OOSP1: variants seen among roughly 807,000 people sequenced by gnomAD.
The protein encoded by OOSP1 is oocyte secreted protein 1.
Under a neutral mutation model 5.7 loss-of-function variants are expected in OOSP1, and 11 were observed. That is an observed-to-expected ratio of 1.94 (90% confidence interval 1.22 to 3.20). The LOEUF is 3.20. Among genes scored for constraint, OOSP1 ranks in the 30% most tolerant of loss-of-function variants. The pLI, the probability that OOSP1 is intolerant of heterozygous loss-of-function variation, is 0.00. For synonymous variants in OOSP1, 44 were observed against 20.0 expected (o/e 2.20, Z -3.20); for missense variants, 83 against 54.1 (o/e 1.53, Z -1.67).
intron 4 of OOSP1, among the ~76,000 whole-genome samples, chr11:59,951,023 T>C (rs1220231456): frequency 6.6e-6 from 1 of 152,012 alleles, no homozygotes; most frequent in Non-Finnish European, 1.5e-5. Context: ...TATCATATGA[T>C]AGTAAAAAGT....
intron 1 of OOSP1, among the ~76,000 whole-genome samples, chr11:59,939,289 T>C (rs1195362046): frequency 6.6e-6 from 1 of 151,546 alleles, no homozygotes; most frequent in African/African-American, 2.4e-5. Flanking sequence ...AGTCTCGCTG[T>C]CACCGAGGCT....
At chr11:59,951,336 C>G (rs1853937567) in intron 4 of OOSP1, among the ~76,000 whole-genome samples, 1 of 152,032 alleles carries the variant, frequency 6.6e-6, no homozygotes, top group South Asian at 2.1e-4. Flanking sequence ...GCACAGTTTT[C>G]ATGCTTACTT....
chr11:59,940,754 G>A (rs1318031525), intron 1 of OOSP1, among the ~76,000 whole-genome samples: 1 of 152,138 alleles, frequency 6.6e-6, no homozygotes, highest in Non-Finnish European at 1.5e-5. Flanking sequence ...TTGCTCAATT[G>A]TTCTTTAATT....
intron 4 of OOSP1, among the ~76,000 whole-genome samples, chr11:59,952,050 G>A (rs770496214): frequency 3.2e-4 from 48 of 151,830 alleles, no homozygotes; most frequent in Non-Finnish European, 5.9e-4. Context: ...TGGAATCAAT[G>A]GTATAACATG....
At chr11:59,957,076 C>T (rs1303605485) in intron 4 of OOSP1, 119 bp from the exon 5 acceptor site, 2 of 390,428 alleles carry the variant, frequency 5.1e-6, no homozygotes, top group African/African-American at 2.1e-5. Flanking sequence ...ATATGCCTTT[C>T]TGTTCACTTT....
intron 1 of OOSP1, among the ~76,000 whole-genome samples, chr11:59,938,843 C>A (rs1038319599): frequency 6.6e-6 from 1 of 151,972 alleles, no homozygotes; most frequent in South Asian, 2.1e-4. Flanking sequence ...TGTGGAGTGG[C>A]CTGGAAAACA....
chr11:59,954,889 C>T (rs139901526), intron 4 of OOSP1, among the ~76,000 whole-genome samples: 1 of 151,882 alleles, frequency 6.6e-6, no homozygotes, highest in Admixed American at 6.6e-5. Flanking sequence ...TTTAATCAGG[C>T]TCTCCTTTGG....
intron 1 of OOSP1, 77 bp from the exon 2 acceptor site, chr11:59,942,770 T>A (rs1455577435): frequency 1.6e-6 from 1 of 631,628 alleles, no homozygotes; most frequent in Non-Finnish European, 2.8e-6. Context: ...TCATTTGTAT[T>A]AACAGGGTAT....
At chr11:59,953,483 T>C (rs1410771772) in intron 4 of OOSP1, among the ~76,000 whole-genome samples, 1 of 152,202 alleles carries the variant, frequency 6.6e-6, no homozygotes, top group Non-Finnish European at 1.5e-5. Flanking sequence ...TGACATATAC[T>C]GTACTCTTGA....
At chr11:59,944,360 G>A (rs1448912635) in intron 2 of OOSP1, among the ~76,000 whole-genome samples, 3 of 182 alleles carry the variant, frequency 0.016, no homozygotes, top group South Asian at 0.5. Context: ...ATAAACTGCG[G>A]GGGGGGGGCA....
At position 59,950,620 on chromosome 11, in the gene OOSP1, A is replaced by G. The variant is rs577712729; in HGVS notation, c.486+2758A>G. On this transcript the variant is annotated intron_variant, in intron 4 of 4. Transcript: ENST00000646685. ...TGTATCTTCTGTTGCTGAAAAGTTAAGTGGGATGAGAACTAAGCGTTGTCC... is the reference window on the plus strand; with the variant it reads ...TGTATCTTCTGTTGCTGAAAAGTTAGGTGGGATGAGAACTAAGCGTTGTCC... Among the ~76,000 whole-genome samples the G allele has an allele frequency of 3.9e-5, 6 of 152,294 alleles. No homozygotes were observed. The East Asian group carries it at 1.2e-3, about 29-fold the overall frequency.
At chr11:59,942,427 T>G (rs1483736886) in intron 1 of OOSP1, among the ~76,000 whole-genome samples, 1 of 152,152 alleles carries the variant, frequency 6.6e-6, no homozygotes. Context: ...GGTATAAAAA[T>G]GGAAACTGCT....
At chr11:59,940,069 C>T (rs145054234) in intron 1 of OOSP1, among the ~76,000 whole-genome samples, 173 of 152,270 alleles carry the variant, frequency 1.1e-3, no homozygotes, top group East Asian at 8.7e-3. Context: ...GTTAAGATTT[C>T]GGAATTGCAG....
At chr11:59,946,986 C>A (rs1336746507) in intron 3 of OOSP1, among the ~76,000 whole-genome samples, 3 of 149,798 alleles carry the variant, frequency 2.0e-5, no homozygotes, top group South Asian at 2.1e-4. Flanking sequence ...TACTCTGTAC[C>A]CACAAAAACT....
chr11:59,949,647 A>T (rs1211628637), intron 4 of OOSP1, among the ~76,000 whole-genome samples: 1 of 152,114 alleles, frequency 6.6e-6, no homozygotes, highest in Non-Finnish European at 1.5e-5. Context: ...GGAGTACCTC[A>T]TCTAATGTCT....
At chr11:59,954,331 T>C (rs1269209424) in intron 4 of OOSP1, among the ~76,000 whole-genome samples, 1 of 152,150 alleles carries the variant, frequency 6.6e-6, no homozygotes, top group Non-Finnish European at 1.5e-5. Flanking sequence ...AGCAGACATG[T>C]GCAGTACGTA....
intron 4 of OOSP1, chr11:59,948,636 C>T (rs976501284): frequency 5.0e-6 from 2 of 396,416 alleles, no homozygotes; most frequent in Admixed American, 4.4e-5. Context: ...GAATAACAGG[C>T]TCTTAGAAGT....
At chr11:59,948,787 G>GCA (rs1328292200) in intron 4 of OOSP1, 1 of 397,986 alleles carries the variant, frequency 2.5e-6, no homozygotes, top group Non-Finnish European at 4.4e-6. Flanking sequence ...CTTTGATATT[G>GCA]AGAGGCAATT....
intron 2 of OOSP1, among the ~76,000 whole-genome samples, chr11:59,943,566 C>T (rs765412158): frequency 1.1e-4 from 17 of 152,138 alleles, no homozygotes; most frequent in Admixed American, 2.0e-4. Flanking sequence ...ATGGAGCAGG[C>T]GGGAGAGTTG....
Sources: allele counts gnomAD v4.1 joint callset (sites outside exome capture counted in the v4.1 genomes callset), GRCh38; gene constraint gnomAD v4.1.1; transcripts MANE v1.5; gene names NCBI Gene and HGNC (gene_info 2026-07-23, HGNC 2026-07-21).